Variants in ALYREF observed in about 807,000 individuals in gnomAD.
ALYREF encodes THO complex subunit 4.
A neutral mutation model predicts 25.2 loss-of-function variants in ALYREF; 1 was observed. The ratio of observed to expected loss-of-function variants is 0.04; its 90% CI spans 0.01 to 0.19. The LOEUF (loss-of-function observed/expected upper bound fraction) is 0.19, where lower values mean the gene tolerates loss of function less well. Ranked by LOEUF, ALYREF falls within the 10% of genes least tolerant of loss-of-function variation. The pLI, the probability that ALYREF is intolerant of heterozygous loss-of-function variation, is 1.00. For missense variants in ALYREF, 328 were observed against 375.6 expected (o/e 0.87, Z 1.05); for synonymous variants, 193 against 153.5 (o/e 1.26, Z -1.90).
At chr17:81,890,188 T>C (rs2039489903) in intron 2 of ALYREF, among the ~76,000 whole-genome samples, 1 of 152,058 alleles carries the variant, frequency 6.6e-6, no homozygotes, top group Admixed American at 6.6e-5. Context: ...GATTTGAGAG[T>C]CATGTCACTG....
intron 3 of ALYREF, 129 bp downstream of exon 3, chr17:81,889,053 A>T: frequency 2.0e-6 from 3 of 1,471,922 alleles, no homozygotes; most frequent in Non-Finnish European, 2.7e-6. Flanking sequence ...TGGCAGATGG[A>T]AGAGAGAGAC....
In ALYREF at chr17:81,888,520, C is replaced by A; in HGVS notation, c.602G>T (p.Ser201Ile). 1 of 1,599,340 alleles carries A rather than the reference C, an allele frequency of 6.3e-7. No individual in the cohort carries two copies. Among genetic ancestry groups the A allele is most frequent in the Non-Finnish European group, 8.5e-7 (1 of 1,172,180 alleles). ...QIDAQRRPAQ[S>I]VNRGGMTRNR... ...CTTCCCCAGAGGCCCCGGAAGTCACCTCTGTGCAGGCCTCCGCTGTGCGTC... is the reference window on the plus strand; with the variant it reads ...CTTCCCCAGAGGCCCCGGAAGTCACATCTGTGCAGGCCTCCGCTGTGCGTC... Residue 201 changes from serine (S) to isoleucine (I), a missense_variant and splice_region_variant, in exon 4 of 6, where the codon AGC (serine) becomes ATC (isoleucine). Around this residue, in one of 3 missense-constraint regions of ALYREF, gnomAD observed 108 missense variants for 110.5 expected, o/e 0.98. Transcript: ENST00000505490. This position sits in a 1 kb window ranked among gnomAD's most constrained non-coding sequence, Gnocchi z 5.8.
At position 81,888,065 on chromosome 17, in the gene ALYREF, GC is replaced by G. The variant is rs368637516; in HGVS notation, c.*65del. ...CATTGGCCGCACAGCCCCAGCCACC[GC>G]CCCCCAACCAGGGAGCAAGAGGAGA... is the stretch of plus-strand genomic sequence containing the variant. On this transcript the variant is annotated 3_prime_UTR_variant, in exon 6 of 6. Coordinates refer to ENST00000505490, the MANE Select transcript of ALYREF (RefSeq NM_005782.4). This position sits in a 1 kb window ranked among gnomAD's most constrained non-coding sequence, Gnocchi z 5.8. The G allele has an allele frequency of 2.2e-3, 3,569 of 1,604,250 alleles. 60 individuals are homozygous for G. The African/African-American group carries it at 0.042, about 19-fold the overall frequency.
chr17:81,888,052 A>G lies in ALYREF; in HGVS notation c.*79T>C. ...GAAACAAATCCATCATTGGCCGCAC[A>G]GCCCCAGCCACCGCCCCCCAACCAG... On this transcript the variant is annotated 3_prime_UTR_variant, in exon 6 of 6. Coordinates refer to ENST00000505490, the MANE Select transcript of ALYREF (RefSeq NM_005782.4). This position sits in a 1 kb window ranked among gnomAD's most constrained non-coding sequence, Gnocchi z 5.8. The G allele has an allele frequency of 6.4e-7, 1 of 1,565,536 alleles. No homozygotes were observed. The highest frequency in any genetic ancestry group is 8.7e-7 in the Non-Finnish European group (1 of 1,143,332).
At chr17:81,890,907 T>C in intron 1 of ALYREF, 87 bp from the exon 2 acceptor site, 1 of 1,575,236 alleles carries the variant, frequency 6.3e-7, no homozygotes, top group South Asian at 1.1e-5. Flanking sequence ...ACCCTTCCTC[T>C]TCCCGGCCTG....
At position 81,887,981 on chromosome 17, in the gene ALYREF, A is replaced by G. The variant is rs1317760702; in HGVS notation, c.*150T>C. 3 of 943,552 alleles carry G rather than the reference A, an allele frequency of 3.2e-6. No individual in the cohort carries two copies. Among genetic ancestry groups the G allele is most frequent in the Non-Finnish European group, 4.4e-6 (3 of 674,914 alleles). The allele number at this position is 943,552 out of a possible 1,614,324, so 58.4% of individuals were successfully genotyped here. A position where few individuals can be genotyped will look rare whatever the true frequency, so the allele number is the denominator to read the frequency against. Reference sequence around the variant, plus strand: ...ATTAAAAAAAAAAAAAAAGAAAAAAAAAAAACCTTTACATGAGTTTTTAAA... The same window carrying G: ...ATTAAAAAAAAAAAAAAAGAAAAAAGAAAAACCTTTACATGAGTTTTTAAA... On this transcript the variant is annotated 3_prime_UTR_variant, in exon 6 of 6. Transcript: ENST00000505490.
rs770114490 is a variant in ALYREF at position 81,888,184 on chromosome 17, G to A, written c.781-39C>T. The A allele has an allele frequency of 4.8e-5, 77 of 1,614,024 alleles. No individual in the cohort carries two copies. Among genetic ancestry groups the A allele is most frequent in the African/African-American group, 2.1e-4 (16 of 75,010 alleles). ...GAGAAAGAGGCTTGCATTCACAGGC[G>A]GCCTGCTCCCCACTGCGGCTTTGAC... On this transcript the variant is annotated intron_variant, in intron 5 of 5. Coordinates refer to ENST00000505490, the MANE Select transcript of ALYREF (RefSeq NM_005782.4). This position sits in a 1 kb window ranked among gnomAD's most constrained non-coding sequence, Gnocchi z 5.8.
chr17:81,889,067 G>C, intron 3 of ALYREF, 115 bp downstream of exon 3: 3 of 1,489,278 alleles, frequency 2.0e-6, no homozygotes, highest in Non-Finnish European at 2.7e-6. Context: ...GAGAGACAAA[G>C]GGGCAAATGC....
intron 2 of ALYREF, chr17:81,889,717 T>C: frequency 5.1e-6 from 1 of 196,904 alleles, no homozygotes; most frequent in Non-Finnish European, 1.1e-5. Context: ...TCAGACCAGC[T>C]TGAAGGGCCT....
In ALYREF at chr17:81,890,734, C is replaced by T. The variant is rs1159212216; in HGVS notation, c.345G>A (p.Leu115=). The T allele has an allele frequency of 6.2e-7, 1 of 1,614,168 alleles. No individual in the cohort carries two copies. The highest frequency in any genetic ancestry group is 8.5e-7 in the Non-Finnish European group (1 of 1,180,032). The change falls in exon 2 of 6, where the codon CTG becomes CTA. Residue 115 remains leucine (L), a synonymous_variant. Coordinates refer to ENST00000505490, the MANE Select transcript of ALYREF (RefSeq NM_005782.4). ...CTCCAAAATCCAGATTGGACACCAG[C>T]AGTTTCCCACCTGTCTCCACGCCGG... is the stretch of plus-strand genomic sequence containing the variant. ...GGAGVETGGK[L]LVSNLDFGVS... is the part of the protein sequence containing the mutation.
At position 81,888,352 on chromosome 17, in the gene ALYREF, C is replaced by A. The variant is rs756157286; in HGVS notation, c.669G>T (p.Arg223=). The A allele has an allele frequency of 1.2e-6, 2 of 1,603,226 alleles. No individual in the cohort carries two copies. The highest frequency in any genetic ancestry group is 2.7e-5 in the African/African-American group (2 of 74,832). The part of the protein sequence containing the change: ...AGGFGGGGGT[R]RGTRGGARGR... ...CACGGGCGCCTCCGCGGGTGCCTCT[C>A]CGGGTGCCTCCACCACCACCAAAAC... The change falls in exon 5 of 6, where the codon CGG becomes CGT. Residue 223 remains arginine (R), a synonymous_variant. Transcript: ENST00000505490. The surrounding 1 kb of genome is among the most constrained non-coding windows in gnomAD (Gnocchi z 5.8).
chr17:81,888,484 CG>C lies in ALYREF; in HGVS notation c.602+35del. On this transcript the variant is annotated intron_variant, in intron 4 of 5. Coordinates refer to ENST00000505490, the MANE Select transcript of ALYREF (RefSeq NM_005782.4). The surrounding 1 kb of genome is among the most constrained non-coding windows in gnomAD (Gnocchi z 5.8). ...CCTAAGAGCGACGCAGCCTCACCCT[CG>C]GCCAATCCCCTTCCCCAGAGGCCCC... is the stretch of plus-strand genomic sequence containing the variant. 6.2e-7 allele frequency: 1 copy of C among 1,602,806 alleles called. No individual in the cohort carries two copies. Among genetic ancestry groups the C allele is most frequent in the Non-Finnish European group, 8.5e-7 (1 of 1,173,718 alleles).
At chr17:81,890,050 A>G (rs766096381) in intron 2 of ALYREF, 4 of 152,346 alleles carry the variant, frequency 2.6e-5, no homozygotes, top group African/African-American at 4.8e-5. Context: ...GCTGTGGGCA[A>G]CTGAACCCTG....
Position 81,891,387 on chromosome 17 carries a change from C to A in ALYREF, c.194G>T (p.Arg65Leu). The change falls in exon 1 of 6, where the codon CGG becomes CTG. Residue 65 changes from arginine (R) to leucine (L), a missense_variant. By Grantham distance (102) the Arg-to-Leu change is moderately radical. This residue lies in a region of ALYREF where 150 missense variants were observed against 135.3 expected (regional missense o/e 1.11). Transcript: ENST00000505490. ...VNRGGGPIRNRPAIARGAAGG... is the reference protein window; with the variant it reads ...VNRGGGPIRNLPAIARGAAGG... ...GGCCGCGCCGCGGGCGATGGCCGGC[C>A]GGTTCCGGATGGGCCCGCCGCCTCG... 8.9e-7 allele frequency: 1 copy of A among 1,121,402 alleles called. No homozygotes were observed. The highest frequency in any genetic ancestry group is 1.1e-6 in the Non-Finnish European group (1 of 917,026). 69.5% of individuals were successfully genotyped at this position (1,121,402 alleles called of 1,614,324 possible).
At position 81,887,848 on chromosome 17, in the gene ALYREF, C is replaced by T. The variant is rs990407219; in HGVS notation, c.*283G>A. 44 of 356,438 alleles carry T rather than the reference C, an allele frequency of 1.2e-4. No individual in the cohort carries two copies. Among genetic ancestry groups the T allele is most frequent in the Non-Finnish European group, 1.5e-4 (30 of 199,372 alleles). 22.1% of individuals were successfully genotyped at this position (356,438 alleles called of 1,614,324 possible). A position where few individuals can be genotyped will look rare whatever the true frequency, so the allele number is the denominator to read the frequency against. On this transcript the variant is annotated 3_prime_UTR_variant, in exon 6 of 6. Transcript: ENST00000505490. ...CGAATCAAACAGTTCCAGTTCTACA[C>T]ACATTTCTATTTTATTATGGAAAAG...
intron 1 of ALYREF, 184 bp from the exon 2 acceptor site, chr17:81,891,004 G>C: frequency 1.1e-6 from 1 of 904,264 alleles, no homozygotes. Flanking sequence ...CACCGCGGCC[G>C]CACAACTTCA....
Position 81,888,425 on chromosome 17 carries a change from A to AG in ALYREF, c.603-8dup. The AG allele has an allele frequency of 6.3e-7, 1 of 1,598,664 alleles. No individual in the cohort carries two copies. Among genetic ancestry groups the AG allele is most frequent in the Non-Finnish European group, 8.5e-7 (1 of 1,170,296 alleles). Reference sequence around the variant, plus strand: ...CATGCCACCTCTGTTTACGCTAGCAAGGAAGACGAAACCGTTCACACACCC... The same window carrying AG: ...CATGCCACCTCTGTTTACGCTAGCAAGGGAAGACGAAACCGTTCACACACCC... On this transcript the variant is annotated splice_region_variant and splice_polypyrimidine_tract_variant and intron_variant, in intron 4 of 5. Transcript: ENST00000505490. This position sits in a 1 kb window ranked among gnomAD's most constrained non-coding sequence, Gnocchi z 5.8.
In ALYREF at chr17:81,888,825, G is replaced by A; in HGVS notation, c.539-242C>T. On this transcript the variant is annotated intron_variant, in intron 3 of 5. Coordinates refer to ENST00000505490, the MANE Select transcript of ALYREF (RefSeq NM_005782.4). This position sits in a 1 kb window ranked among gnomAD's most constrained non-coding sequence, Gnocchi z 5.8. ...GGTGGGCTGCTCGCTGAGGTATCGG[G>A]GTGCTCGTGGGTGGAGAGGTGTGGG... 7.0e-7 allele frequency: 1 copy of A among 1,420,652 alleles called. No individual in the cohort carries two copies. Among genetic ancestry groups the A allele is most frequent in the Admixed American group, 2.9e-5 (1 of 34,802 alleles). The allele number at this position is 1,420,652 out of a possible 1,614,324, so 88.0% of individuals were successfully genotyped here.
chr17:81,889,790 TCTC>T (rs1316990512), intron 2 of ALYREF: 3 of 164,742 alleles, frequency 1.8e-5, no homozygotes, highest in South Asian at 3.0e-4. Flanking sequence ...CACCTTTCCC[TCTC>T]CTCCTACTCA....
Sources: allele counts gnomAD v4.1 joint callset (sites outside exome capture counted in the v4.1 genomes callset), GRCh38; gene constraint gnomAD v4.1.1; regional missense constraint gnomAD v4.1.1; non-coding constraint Gnocchi (gnomAD v3.1); transcripts MANE v1.5; gene names NCBI Gene and HGNC (gene_info 2026-07-23, HGNC 2026-07-21).